The following SSC4D variants were observed in gnomAD, a reference collection of about 807,000 sequenced individuals.
SSC4D encodes scavenger receptor cysteine-rich domain-containing group B protein.
Under a neutral mutation model 63.4 loss-of-function variants are expected in SSC4D, and 57 were observed. The ratio of observed to expected loss-of-function variants is 0.90; its 90% CI spans 0.73 to 1.12. The LOEUF (loss-of-function observed/expected upper bound fraction) is 1.12, where lower values mean the gene tolerates loss of function less well. Ranked by LOEUF, SSC4D falls within the 50% of genes most tolerant of loss-of-function variation. SSC4D has a pLI of 0.00. For synonymous variants in SSC4D, 352 were observed against 345.4 expected (o/e 1.02, Z -0.21); for missense variants, 791 against 806.4 (o/e 0.98, Z 0.23).
At chr7:76,396,363 T>C (rs1804639753) in intron 6 of SSC4D, among the ~76,000 whole-genome samples, 1 of 152,156 alleles carries the variant, frequency 6.6e-6, no homozygotes, top group African/African-American at 2.4e-5. Flanking sequence ...AAATTACTAT[T>C]CTAGTTCTTA....
rs531051402 is a variant in SSC4D, at chr7:76,407,780, A to T, written c.-67+1634T>A. ...GCATAAACCATGAGCTTAGAGCTCAAAGAGCATTCACACCATGTAACCAGT... is the reference window on the plus strand; with the variant it reads ...GCATAAACCATGAGCTTAGAGCTCATAGAGCATTCACACCATGTAACCAGT... On this transcript the variant is annotated intron_variant, in intron 1 of 10. Transcript: ENST00000275560. 1.8e-4 allele frequency among the ~76,000 whole-genome samples: 28 copies of T among 152,342 alleles called. No homozygotes were observed. In the South Asian group the frequency reaches 5.4e-3, roughly 29 times the overall value.
chr7:76,393,548 C>A lies in SSC4D; in HGVS notation c.1190G>T (p.Gly397Val). ...GGGGCCGCGGCCGTAGCCGAAGTGG[C>A]CCAGTCCCGTAGCGCCCAGCGCAGG... ...CGPALGATGL[G>V]HFGYGRGPVL... Residue 397 changes from glycine (G) to valine (V), a missense_variant, in exon 9 of 11, where the codon GGC becomes GTC. Gly to Val is a moderately radical substitution (Grantham distance 109). Transcript: ENST00000275560. The A allele has an allele frequency of 6.6e-7, 1 of 1,522,450 alleles. No individual in the cohort carries two copies. 94.3% of individuals were successfully genotyped at this position (1,522,450 alleles called of 1,614,324 possible).
At chr7:76,405,339 C>CTTTCTTTCTTTCTT (rs1271510975) in intron 1 of SSC4D, among the ~76,000 whole-genome samples, 2 of 21,386 alleles carry the variant, frequency 9.4e-5, no homozygotes, top group South Asian at 4.7e-3. Context: ...TTCTTTCTTT[C>CTTTCTTTCTTTCTT]TTTTTTTTTT....
intron 10 of SSC4D, among the ~76,000 whole-genome samples, chr7:76,390,848 G>A (rs566710341): frequency 1.3e-5 from 2 of 151,938 alleles, no homozygotes; most frequent in Admixed American, 1.3e-4. Context: ...GGCGCTAGGT[G>A]CGGTGGCTCA....
chr7:76,399,897 G>A (rs754642541), intron 4 of SSC4D, among the ~76,000 whole-genome samples: 7 of 152,228 alleles, frequency 4.6e-5, no homozygotes, highest in African/African-American at 7.2e-5. Flanking sequence ...CTACTGAGGC[G>A]GGAGAATCCC....
At chr7:76,392,206 G>A (rs185733858) in intron 9 of SSC4D, among the ~76,000 whole-genome samples, 165 bp from the exon 10 acceptor site, 1 of 152,264 alleles carries the variant, frequency 6.6e-6, no homozygotes. Flanking sequence ...TGCGGGTTGT[G>A]TCACTGAGTG....
chr7:76,401,910 T>C (rs1008985375), intron 2 of SSC4D, among the ~76,000 whole-genome samples: 2 of 152,324 alleles, frequency 1.3e-5, no homozygotes, highest in African/African-American at 4.8e-5. Flanking sequence ...CAGAACCTGG[T>C]ACTCAGCAGA....
chr7:76,408,617 G>A (rs1584037882), intron 1 of SSC4D, among the ~76,000 whole-genome samples: 1 of 152,082 alleles, frequency 6.6e-6, no homozygotes. Flanking sequence ...AGGCGTGAGG[G>A]AGAAGGACCC....
chr7:76,400,588 A>C lies in SSC4D; in HGVS notation c.173T>G (p.Leu58Arg). Residue 58 changes from leucine (L) to arginine (R), a missense_variant, in exon 4 of 11, where the codon CTG becomes CGG. Coordinates refer to ENST00000275560, the MANE Select transcript of SSC4D (RefSeq NM_080744.2). The part of the protein sequence containing the change: ...LQPTPLPFQE[L>R]RLVGGPSRCR... ...GCGGCTGGGGCCCCCCACCAGCCTC[A>C]GCTCTGTGAAGAGGGTGGAGCTGGC... 2 of 1,463,094 alleles carry C rather than the reference A, an allele frequency of 1.4e-6. No homozygotes were observed. The highest frequency in any genetic ancestry group is 1.8e-6 in the Non-Finnish European group (2 of 1,104,184). The allele number at this position is 1,463,094 out of a possible 1,614,324, so 90.6% of individuals were successfully genotyped here.
At chr7:76,400,679 A>T (rs965253402) in intron 3 of SSC4D, 88 bp from the exon 4 acceptor site, 65 of 1,332,882 alleles carry the variant, frequency 4.9e-5, no homozygotes, top group Middle Eastern at 2.7e-4. Context: ...TTTTATTATT[A>T]TTTTTTTTGG....
At chr7:76,394,199 T>C (rs1040891980) in intron 7 of SSC4D, among the ~76,000 whole-genome samples, 3 of 152,100 alleles carry the variant, frequency 2.0e-5, no homozygotes, top group Admixed American at 2.0e-4. Context: ...ATCGACCCCC[T>C]CATAAGGTCT....
chr7:76,400,336 C>G lies in SSC4D; in HGVS notation c.425G>C (p.Trp142Ser). ...AALSECGSRG[W>S]GVHNCFHYED... ...GTAGTGAAAGCAATTGTGGACGCCC[C>G]AGCCGCGGCTGCCGCACTCGCTCAG... is the stretch of plus-strand genomic sequence containing the variant. Residue 142 changes from tryptophan (W) to serine (S), a missense_variant, in exon 4 of 11, where the codon TGG (tryptophan) becomes TCG (serine). Transcript: ENST00000275560. The G allele has an allele frequency of 6.6e-7, 1 of 1,518,080 alleles. No individual in the cohort carries two copies. 94.0% of individuals were successfully genotyped at this position (1,518,080 alleles called of 1,614,324 possible). A position where few individuals can be genotyped will look rare whatever the true frequency, so the allele number is the denominator to read the frequency against.
At chr7:76,393,942 G>A (rs1804569584) in intron 7 of SSC4D, 38 bp from the exon 8 acceptor site, 3 of 1,562,114 alleles carry the variant, frequency 1.9e-6, no homozygotes, top group African/African-American at 1.4e-5. Context: ...CGAAGGGGAC[G>A]AGGAGGCCTT....
chr7:76,398,714 A>G lies in SSC4D; in HGVS notation c.553+6T>C. 1 of 1,612,776 alleles carries G rather than the reference A, an allele frequency of 6.2e-7. No homozygotes were observed. The highest frequency in any genetic ancestry group is 8.5e-7 in the Non-Finnish European group (1 of 1,179,054). On this transcript the variant is annotated splice_donor_region_variant and intron_variant, in intron 5 of 10. Transcript: ENST00000275560. The stretch of plus-strand genomic sequence containing the variant: ...CCCAGGTGGTGCCCACATTATGCTT[A>G]CGTACTTTTTCCATTCGGCAGTGTC...
Position 76,401,520 on chromosome 7 carries a change from G to A in SSC4D, c.134-477C>T, listed in dbSNP as rs144327566. On this transcript the variant is annotated intron_variant, in intron 2 of 10. Transcript: ENST00000275560. ...CAGCCTCTTCCTCTGGGGTTCAAGC[G>A]ATTCTTCTGCCTCAGCCTCCCGAGT... Among the ~76,000 whole-genome samples, 1,247 of 152,174 alleles carry A rather than the reference G, an allele frequency of 8.2e-3. 19 individuals carry two copies. The highest frequency in any genetic ancestry group is 0.028 in the African/African-American group (1,168 of 41,520).
Position 76,390,120 on chromosome 7 carries a change from C to T in SSC4D, c.1667G>A (p.Arg556His), listed in dbSNP as rs777105386. 6 of 1,614,184 alleles carry T rather than the reference C, an allele frequency of 3.7e-6. No homozygotes were observed. The highest frequency in any genetic ancestry group is 5.1e-6 in the Non-Finnish European group (6 of 1,180,024). Residue 556 changes from arginine to histidine, a missense_variant, in exon 11 of 11, where the codon CGC becomes CAC. By Grantham distance (29) the Arg-to-His change is conservative (BLOSUM62 0). Transcript: ENST00000275560. ...GTGGTCACAGTTGTGGGCATCCCAG[C>T]GGATATGAGAGCAGAGCAGCAGAGC... is the stretch of plus-strand genomic sequence containing the variant. ...ESALLLCSHI[R>H]WDAHNCDHSE... is the part of the protein sequence containing the mutation.
intron 7 of SSC4D, 61 bp from the exon 8 acceptor site, chr7:76,393,965 A>C: frequency 6.6e-7 from 1 of 1,516,090 alleles, no homozygotes; most frequent in Non-Finnish European, 8.9e-7. Flanking sequence ...GTCCTGCAGC[A>C]GGGCACGGGG....
chr7:76,395,466 G>A (rs1003511582), intron 6 of SSC4D, 136 bp from the exon 7 acceptor site: 43 of 829,008 alleles, frequency 5.2e-5, no homozygotes, highest in African/African-American at 4.6e-4. Context: ...TGGCCCAGCC[G>A]CAGCGGGGTT....
intron 2 of SSC4D, among the ~76,000 whole-genome samples, chr7:76,401,974 T>C (rs1488632208): frequency 6.6e-6 from 1 of 152,108 alleles, no homozygotes; most frequent in Non-Finnish European, 1.5e-5. Context: ...TCATCATATT[T>C]CCCTCCCTAA....
Sources: gnomAD v4.1 joint callset for allele counts (sites outside exome capture counted in the v4.1 genomes callset) on GRCh38, gnomAD v4.1.1 for gene constraint, MANE v1.5 for transcripts, NCBI Gene and HGNC (gene_info 2026-07-23, HGNC 2026-07-21) for gene names.